The following CTNNA3 variants were observed in gnomAD, a reference collection of about 807,000 sequenced individuals.
CTNNA3 encodes catenin alpha 3, also known as catenin alpha-3.
Under a neutral mutation model 95.7 loss-of-function variants are expected in CTNNA3, and 76 were observed. The observed-to-expected ratio is 0.79, with a 90% CI of 0.66 to 0.96. The LOEUF (loss-of-function observed/expected upper bound fraction) is 0.96, where lower values mean the gene tolerates loss of function less well. Ranked by LOEUF, CTNNA3 falls within the 40% of genes least tolerant of loss-of-function variation. CTNNA3 has a pLI of 0.00. For synonymous variants in CTNNA3, 431 were observed against 374.4 expected (o/e 1.15, Z -1.74); for missense variants, 1,191 against 1,089.8 (o/e 1.09, Z -1.31).
Position 65,917,359 on chromosome 10 carries a change from T to A in CTNNA3, c.*2971A>T, listed in dbSNP as rs2077019847. The A allele has an allele frequency of 6.6e-6, 1 of 152,186 alleles. No homozygotes were observed. The highest frequency in any genetic ancestry group is 2.4e-5 in the African/African-American group (1 of 41,446). 9.4% of individuals were successfully genotyped at this position (152,186 alleles called of 1,614,324 possible). On this transcript the variant is annotated 3_prime_UTR_variant, in exon 18 of 18. Coordinates refer to ENST00000433211, the MANE Select transcript of CTNNA3 (RefSeq NM_013266.4). ...ACATTTTACTTCAATAATTTTAATT[T>A]GTCATAAATTAAAGGGAATGATTTC...
At chr10:67,282,135 A>G (rs1434993565) in intron 5 of CTNNA3, among the ~76,000 whole-genome samples, 1 of 152,188 alleles carries the variant, frequency 6.6e-6, no homozygotes, top group Non-Finnish European at 1.5e-5. Flanking sequence ...CATAATAAAT[A>G]TTATTTTTTA....
chr10:66,454,862 A>G (rs1158228228), intron 11 of CTNNA3, among the ~76,000 whole-genome samples: 2 of 151,496 alleles, frequency 1.3e-5, no homozygotes, highest in Non-Finnish European at 2.9e-5. Flanking sequence ...AAGGCGGAGG[A>G]GAGGAGGAAG....
In CTNNA3 at chr10:65,988,758, A is replaced by G. The variant is rs1467354534; in HGVS notation, c.2199T>C (p.Tyr733=). 17 of 1,613,942 alleles carry G rather than the reference A, an allele frequency of 1.1e-5. No individual in the cohort carries two copies. Among genetic ancestry groups the G allele is most frequent in the Middle Eastern group, 1.6e-4 (1 of 6,084 alleles). Residue 733 remains tyrosine, a synonymous_variant, in exon 16 of 18, where the codon TAT becomes TAC. Transcript: ENST00000433211. The part of the protein sequence containing the change: ...GPLKHTTDVI[Y]AAKMISESGS... ...CTGATTCTGATATCATTTTCGCTGC[A>G]TAGATCACATCAGTTGTATGCTTTA...
intron 7 of CTNNA3, among the ~76,000 whole-genome samples, chr10:66,870,894 C>T (rs1256828173): frequency 1.3e-5 from 2 of 152,150 alleles, no homozygotes; most frequent in African/African-American, 4.8e-5. Flanking sequence ...ACACCCTCAC[C>T]ATTGTCCTGA....
intron 1 of CTNNA3, among the ~76,000 whole-genome samples, chr10:67,738,551 C>G (rs1039245076): frequency 6.6e-6 from 1 of 152,070 alleles, no homozygotes; most frequent in South Asian, 2.1e-4. Context: ...TCCAAACGAA[C>G]GCAGCTCCTC....
At chr10:66,680,497 T>C (rs1285312848) in intron 9 of CTNNA3, among the ~76,000 whole-genome samples, 1 of 152,178 alleles carries the variant, frequency 6.6e-6, no homozygotes, top group Non-Finnish European at 1.5e-5. Flanking sequence ...GGACAGCCCA[T>C]GTGGATTGGT....
intron 1 of CTNNA3, among the ~76,000 whole-genome samples, chr10:67,662,825 A>G (rs1481312507): frequency 1.3e-5 from 2 of 152,096 alleles, no homozygotes; most frequent in Non-Finnish European, 2.9e-5. Flanking sequence ...CAAACTGTAA[A>G]CTTTAAAGGA....
At chr10:66,139,774 A>G (rs900437284) in intron 13 of CTNNA3, among the ~76,000 whole-genome samples, 3 of 152,188 alleles carry the variant, frequency 2.0e-5, no homozygotes, top group Admixed American at 6.5e-5. Flanking sequence ...AATCAGGCAG[A>G]CAGGCCTGTA....
At chr10:66,781,213 T>C (rs1050270711) in intron 7 of CTNNA3, among the ~76,000 whole-genome samples, 5 of 149,068 alleles carry the variant, frequency 3.4e-5, no homozygotes, top group Non-Finnish European at 5.9e-5. Flanking sequence ...TTTGTTGTTG[T>C]TTTTGTTGTT....
chr10:67,296,100 C>T (rs1010811887), intron 5 of CTNNA3, among the ~76,000 whole-genome samples: 1 of 152,028 alleles, frequency 6.6e-6, no homozygotes, highest in African/African-American at 2.4e-5. Context: ...AAGCAATGAC[C>T]CTGTAAGATA....
chr10:67,738,415 C>A (rs1359040820), intron 1 of CTNNA3, among the ~76,000 whole-genome samples: 3 of 152,138 alleles, frequency 2.0e-5, no homozygotes, highest in Non-Finnish European at 4.4e-5. Flanking sequence ...ACAAAAAGGA[C>A]ATCCACACCA....
intron 11 of CTNNA3, among the ~76,000 whole-genome samples, chr10:66,383,857 GTGAAGGAGAAATAAAACCC>G: frequency 6.6e-6 from 1 of 152,280 alleles, no homozygotes; most frequent in Admixed American, 6.5e-5. Context: ...AGCTTCATAA[GTGAAGGAGAAATAAAACCC>G]TGTACAGACA....
At chr10:66,645,292 A>G (rs916716153) in intron 9 of CTNNA3, among the ~76,000 whole-genome samples, 22 of 151,846 alleles carry the variant, frequency 1.4e-4, no homozygotes, top group African/African-American at 5.3e-4. Context: ...GATCCCGAAT[A>G]TTTTTTCCTA....
chr10:67,747,037 C>T (rs1315383109), intron 1 of CTNNA3, among the ~76,000 whole-genome samples: 2 of 152,170 alleles, frequency 1.3e-5, no homozygotes, highest in East Asian at 3.9e-4. Flanking sequence ...CCTCTTTAGG[C>T]CAGACCCTGA....
At chr10:66,281,803 C>T (rs935153028) in intron 12 of CTNNA3, among the ~76,000 whole-genome samples, 3 of 151,576 alleles carry the variant, frequency 2.0e-5, no homozygotes, top group East Asian at 3.9e-4. Context: ...TATACATGGG[C>T]ACTCTTTTTA....
intron 10 of CTNNA3, among the ~76,000 whole-genome samples, chr10:66,585,389 T>C (rs1843327426): frequency 6.6e-6 from 1 of 152,018 alleles, no homozygotes; most frequent in South Asian, 2.1e-4. Context: ...TTCTTTTAAT[T>C]CTTTTTTGTT....
At chr10:66,517,512 T>G (rs903556671) in intron 11 of CTNNA3, among the ~76,000 whole-genome samples, 13 of 152,050 alleles carry the variant, frequency 8.5e-5, no homozygotes, top group Admixed American at 7.9e-4. Context: ...TACACTGCCA[T>G]CAGCCCCATG....
At chr10:66,136,905 T>C (rs1007327090) in intron 13 of CTNNA3, among the ~76,000 whole-genome samples, 7 of 152,056 alleles carry the variant, frequency 4.6e-5, no homozygotes, top group African/African-American at 1.7e-4. Context: ...CACTGCAACC[T>C]CCACCTCGTG....
chr10:66,188,595 C>CTGTGTGTG (rs71035114), intron 13 of CTNNA3, among the ~76,000 whole-genome samples: 1,526 of 121,054 alleles, frequency 0.013, 23 homozygotes, highest in Admixed American at 0.014. Flanking sequence ...GGGGGGGTCT[C>CTGTGTGTG]TGTGTGTGTG....
Sources: gnomAD v4.1 joint callset for allele counts (sites outside exome capture counted in the v4.1 genomes callset) on GRCh38, gnomAD v4.1.1 for gene constraint, MANE v1.5 for transcripts, NCBI Gene and HGNC (gene_info 2026-07-23, HGNC 2026-07-21) for gene names.